FAM13A: variants seen among roughly 807,000 people sequenced by gnomAD.
The protein encoded by FAM13A is family with sequence similarity 13 member A.
A neutral mutation model predicts 129.6 loss-of-function variants in FAM13A; 76 were observed. That is an observed-to-expected ratio of 0.59 (90% CI 0.49 to 0.71). The LOEUF (loss-of-function observed/expected upper bound fraction) is 0.71. Among genes scored for constraint, FAM13A ranks in the 30% least tolerant of loss-of-function variants. The pLI, the probability that FAM13A is intolerant of heterozygous loss-of-function variation, is 0.00. For synonymous variants in FAM13A, 443 were observed against 449.9 expected, an observed-to-expected ratio of 0.98 and a Z score of 0.20; for missense variants, 1,108 against 1,249.3, an observed-to-expected ratio of 0.89 and a Z score of 1.70.
intron 4 of FAM13A, among the ~76,000 whole-genome samples, chr4:88,957,699 T>C (rs1271364174): frequency 6.6e-6 from 1 of 152,104 alleles, no homozygotes; most frequent in South Asian, 2.1e-4. Context: ...TCTTAGAGAT[T>C]TGTTAAGTGG....
At position 88,748,262 on chromosome 4, in the gene FAM13A, C is replaced by T. The variant is rs60582907; in HGVS notation, c.2162-411G>A. On this transcript the variant is annotated intron_variant, in intron 17 of 23. Transcript: ENST00000264344. ...TAGTATCAATAACTTATTCTTTTTTCAGAGAGTATCTAGTTACAGTATCAG... is the reference window on the plus strand; with the variant it reads ...TAGTATCAATAACTTATTCTTTTTTTAGAGAGTATCTAGTTACAGTATCAG... 7.0e-4 allele frequency among the ~76,000 whole-genome samples: 107 copies of T among 152,278 alleles called. 1 individual carries two copies. Among genetic ancestry groups the T allele is most frequent in the African/African-American group, 2.5e-3 (103 of 41,560 alleles).
chr4:88,893,651 A>AATAAATAC (rs1192243539), intron 6 of FAM13A, among the ~76,000 whole-genome samples: 1 of 145,576 alleles, frequency 6.9e-6, no homozygotes, highest in East Asian at 2.0e-4. Flanking sequence ...TGAATAAATA[A>AATAAATAC]ATAAATAAAT....
chr4:88,977,112 T>C (rs1264462514), intron 4 of FAM13A, among the ~76,000 whole-genome samples: 1 of 152,192 alleles, frequency 6.6e-6, no homozygotes. Context: ...AAGTTGAATT[T>C]ATAAATGAGG....
intron 21 of FAM13A, among the ~76,000 whole-genome samples, chr4:88,733,505 A>G (rs1738324748): frequency 6.6e-6 from 1 of 152,200 alleles, no homozygotes; most frequent in Admixed American, 6.5e-5. Context: ...ATTCCCATCG[A>G]CGTAGTTTTG....
chr4:88,784,236 C>CTA (rs1462492985), intron 10 of FAM13A, among the ~76,000 whole-genome samples: 2 of 152,192 alleles, frequency 1.3e-5, no homozygotes, highest in African/African-American at 4.8e-5. Flanking sequence ...TTCGATTACA[C>CTA]TATAGATCCA....
In FAM13A at chr4:88,726,441, T is replaced by C. The variant is rs918517657; in HGVS notation, c.*2092A>G. ...GATTCCTGAATAAATCTTTAGTTAA[T>C]TTACCTTTGGCAGAAACAACAGATT... On this transcript the variant is annotated 3_prime_UTR_variant, in exon 24 of 24. Transcript: ENST00000264344. 6.6e-6 allele frequency: 1 copy of C among 152,602 alleles called. No homozygotes were observed. The highest frequency in any genetic ancestry group is 1.5e-5 in the Non-Finnish European group (1 of 68,038). The allele number at this position is 152,602 out of a possible 1,614,324, so 9.5% of individuals were successfully genotyped here.
chr4:89,017,221 T>A (rs747934689), intron 3 of FAM13A, among the ~76,000 whole-genome samples: 1 of 152,202 alleles, frequency 6.6e-6, no homozygotes, highest in African/African-American at 2.4e-5. Context: ...GACTCAAATC[T>A]AACCAGAGAT....
chr4:88,989,385 T>C (rs1276408763), intron 4 of FAM13A, among the ~76,000 whole-genome samples: 1 of 151,080 alleles, frequency 6.6e-6, no homozygotes, highest in Non-Finnish European at 1.5e-5. Context: ...GTGGATTGCT[T>C]GAGCCCAGGA....
At chr4:88,913,228 GGAA>G (rs370117490) in intron 5 of FAM13A, among the ~76,000 whole-genome samples, 1,024 of 66,024 alleles carry the variant, frequency 0.016, 123 homozygotes, top group Non-Finnish European at 0.023. Flanking sequence ...AAGAGGAAGA[GGAA>G]GAAGAGGAGG....
At chr4:88,962,293 A>C (rs2148919424) in intron 4 of FAM13A, among the ~76,000 whole-genome samples, 1 of 152,310 alleles carries the variant, frequency 6.6e-6, no homozygotes, top group East Asian at 1.9e-4. Flanking sequence ...TTACTTAAAT[A>C]TTTCACAAAA....
chr4:88,991,099 AGCTCTTTTATT>A lies in FAM13A; in HGVS notation c.468_478del (p.Leu156PhefsTer49). 2 of 1,613,926 alleles carry A rather than the reference AGCTCTTTTATT, an allele frequency of 1.2e-6. No individual in the cohort carries two copies. Among genetic ancestry groups the A allele is most frequent in the Non-Finnish European group, 1.7e-6 (2 of 1,179,816 alleles). On this transcript the variant is annotated frameshift_variant, in exon 4 of 24. Coordinates refer to ENST00000264344, the MANE Select transcript of FAM13A (RefSeq NM_014883.4). LOFTEE classifies it high-confidence loss of function. ...GAGGAGGCAGTAGTGGGTGTCTGGC[AGCTCTTTTATT>A]AAGTCTCTTAAGCTACTCTCCTGAA...
chr4:88,999,594 T>G (rs538921897), intron 3 of FAM13A, among the ~76,000 whole-genome samples: 2 of 152,280 alleles, frequency 1.3e-5, no homozygotes, highest in African/African-American at 4.8e-5. Flanking sequence ...ACCAGTTGGT[T>G]TTTTTCTAGG....
chr4:88,823,186 A>C, intron 7 of FAM13A: 1 of 1,456,718 alleles, frequency 6.9e-7, no homozygotes, highest in Non-Finnish European at 9.0e-7. Flanking sequence ...TCAGCCTCCA[A>C]ACTTCTTCAG....
At chr4:88,932,362 C>T (rs1753159457) in intron 5 of FAM13A, among the ~76,000 whole-genome samples, 1 of 152,150 alleles carries the variant, frequency 6.6e-6, no homozygotes, top group Non-Finnish European at 1.5e-5. Context: ...AAGAATTTGG[C>T]ACAATGTCTA....
At chr4:88,903,348 C>G (rs1747601565) in intron 6 of FAM13A, among the ~76,000 whole-genome samples, 1 of 152,074 alleles carries the variant, frequency 6.6e-6, no homozygotes, top group Non-Finnish European at 1.5e-5. Flanking sequence ...AACTATAGTA[C>G]AAGGCTACAG....
intron 7 of FAM13A, among the ~76,000 whole-genome samples, chr4:88,819,658 A>G (rs948204153): frequency 7.2e-5 from 11 of 152,190 alleles, no homozygotes; most frequent in African/African-American, 2.2e-4. Context: ...GAGAAAACTT[A>G]TATTTCAATT....
chr4:88,996,724 T>C (rs1256650192), intron 3 of FAM13A, among the ~76,000 whole-genome samples: 1 of 152,024 alleles, frequency 6.6e-6, no homozygotes, highest in African/African-American at 2.4e-5. Flanking sequence ...AAGGTCTCCT[T>C]GAAATGTAGT....
chr4:88,791,598 C>G (rs1725168936), intron 8 of FAM13A, among the ~76,000 whole-genome samples: 1 of 152,116 alleles, frequency 6.6e-6, no homozygotes, highest in African/African-American at 2.4e-5. Flanking sequence ...TCGTGTCAAA[C>G]TATAGTTCTA....
chr4:88,892,334 C>T (rs1202195516), intron 6 of FAM13A, among the ~76,000 whole-genome samples: 2 of 151,992 alleles, frequency 1.3e-5, no homozygotes, highest in African/African-American at 4.8e-5. Flanking sequence ...CGCCCGCCAC[C>T]ACGCCTGGCT....
Sources: allele counts gnomAD v4.1 joint callset (sites outside exome capture counted in the v4.1 genomes callset), GRCh38; gene constraint gnomAD v4.1.1; transcripts MANE v1.5; gene names NCBI Gene and HGNC (gene_info 2026-07-23, HGNC 2026-07-21).